The following PRKDC variants were observed in gnomAD, a reference collection of about 807,000 sequenced individuals.
PRKDC encodes DNA-dependent protein kinase catalytic subunit.
A neutral mutation model predicts 486.9 loss-of-function variants in PRKDC; 82 were observed. The observed-to-expected ratio is 0.17, with a 90% CI of 0.14 to 0.20. The LOEUF is 0.20. Among genes scored for constraint, PRKDC ranks in the 10% least tolerant of loss-of-function variants. PRKDC has a pLI of 1.00. For synonymous variants in PRKDC, 1,895 were observed against 1,837.0 expected (o/e 1.03, Z -0.81); for missense variants, 4,504 against 5,038.2 (o/e 0.89, Z 3.21).
chr8:47,820,671 A>T, intron 66 of PRKDC, 48 bp downstream of exon 66: 1 of 940,588 alleles, frequency 1.1e-6, no homozygotes, highest in East Asian at 3.0e-5. Context: ...TATAATATAT[A>T]TATACACTAT....
Position 47,939,665 on chromosome 8 carries a change from C to T in PRKDC, c.999G>A (p.Met333Ile), listed in dbSNP as rs8178017. The stretch of plus-strand genomic sequence containing the variant: ...TAAAGTACTGCAGTTTATTTTTATG[C>T]ATTTCTGCATTTTTCGCCACCATAT... ...VSNMVAKNAEMHKNKLQYFME... is the reference protein window; with the variant it reads ...VSNMVAKNAEIHKNKLQYFME... Residue 333 changes from methionine (M) to isoleucine (I), a missense_variant, in exon 11 of 86, where the codon ATG becomes ATA. By Grantham distance (10) the Met-to-Ile change is conservative. This residue lies in a region of PRKDC where 1,969 missense variants were observed against 2,068.9 expected (regional missense o/e 0.95). Coordinates refer to ENST00000314191, the MANE Select transcript of PRKDC (RefSeq NM_006904.7). The T allele has an allele frequency of 0.039, 62,636 of 1,604,258 alleles. 1,589 individuals are homozygous for T. Among genetic ancestry groups the T allele is most frequent in the Middle Eastern group, 0.055 (330 of 6,026 alleles).
At chr8:47,855,816 G>A (rs1201405264) in intron 49 of PRKDC, among the ~76,000 whole-genome samples, 9 of 152,288 alleles carry the variant, frequency 5.9e-5, no homozygotes, top group Non-Finnish European at 2.9e-5. Flanking sequence ...ATGGTGAGAC[G>A]GCCCTTGTCT....
chr8:47,940,182 A>G (rs547662466), intron 10 of PRKDC, among the ~76,000 whole-genome samples: 1 of 152,340 alleles, frequency 6.6e-6, no homozygotes, highest in African/African-American at 2.4e-5. Context: ...CAATAAATAG[A>G]GTTCAGAACA....
intron 40 of PRKDC, among the ~76,000 whole-genome samples, chr8:47,871,622 G>C (rs2088954972): frequency 6.6e-6 from 1 of 152,074 alleles, no homozygotes; most frequent in African/African-American, 2.4e-5. Flanking sequence ...TTTTAAGATG[G>C]AGTTTCGCTC....
chr8:47,881,675 ACTAT>A (rs1033509447), intron 37 of PRKDC, among the ~76,000 whole-genome samples, 155 bp from the exon 38 acceptor site: 5 of 152,262 alleles, frequency 3.3e-5, no homozygotes, highest in Admixed American at 2.6e-4. Context: ...ACATTGTAAT[ACTAT>A]CTGTTAGGAC....
At chr8:47,878,588 G>A (rs143093194) in intron 39 of PRKDC, among the ~76,000 whole-genome samples, 7 of 152,162 alleles carry the variant, frequency 4.6e-5, no homozygotes, top group African/African-American at 7.2e-5. Flanking sequence ...ATCCCAGGCC[G>A]CTCCCCCGAT....
chr8:47,954,020 A>C, intron 5 of PRKDC, 101 bp from the exon 6 acceptor site: 1 of 693,884 alleles, frequency 1.4e-6, no homozygotes, highest in Non-Finnish European at 2.3e-6. Context: ...AAAGTTCAAA[A>C]TTGATTTTAC....
At position 47,799,248 on chromosome 8, in the gene PRKDC, C is replaced by T; in HGVS notation, c.10259G>A (p.Cys3420Tyr). The T allele has an allele frequency of 6.2e-7, 1 of 1,613,942 alleles. No homozygotes were observed. The highest frequency in any genetic ancestry group is 8.5e-7 in the Non-Finnish European group (1 of 1,179,908). The change falls in exon 72 of 86, where the codon TGT (cysteine) becomes TAT (tyrosine). Residue 3420 changes from cysteine to tyrosine, a missense_variant. Around this residue, in one of 6 missense-constraint regions of PRKDC, gnomAD observed 706 missense variants for 945.0 expected, o/e 0.75. Coordinates refer to ENST00000314191, the MANE Select transcript of PRKDC (RefSeq NM_006904.7). Reference protein sequence around the residue: ...IDAYMTLADFCDQQLRKEEEN... With the variant: ...IDAYMTLADFYDQQLRKEEEN... ...TTCCTCCTTGCGCAGCTGTTGGTCACAGAAATCTGCCAGCGTCATGTAAGC... is the reference window on the plus strand; with the variant it reads ...TTCCTCCTTGCGCAGCTGTTGGTCATAGAAATCTGCCAGCGTCATGTAAGC...
At chr8:47,882,169 A>ATTTC in intron 36 of PRKDC, 72 bp from the exon 37 acceptor site, 1 of 1,368,460 alleles carries the variant, frequency 7.3e-7, no homozygotes, top group Non-Finnish European at 1.0e-6. Flanking sequence ...ATTTACCTTT[A>ATTTC]TTTCAAAGCT....
chr8:47,785,369 G>A (rs1015451530), intron 76 of PRKDC, 52 bp from the exon 77 acceptor site: 15 of 1,370,726 alleles, frequency 1.1e-5, no homozygotes, highest in Non-Finnish European at 1.4e-5. Flanking sequence ...TTGGACTTTG[G>A]AAAAGGCTCT....
At chr8:47,785,453 GT>G in intron 76 of PRKDC, 136 bp from the exon 77 acceptor site, 1 of 752,732 alleles carries the variant, frequency 1.3e-6, no homozygotes, top group Non-Finnish European at 2.1e-6. Context: ...TATAGTTTTG[GT>G]TGGGCATGGT....
At chr8:47,957,848 T>C (rs2090733698) in intron 1 of PRKDC, among the ~76,000 whole-genome samples, 1 of 152,156 alleles carries the variant, frequency 6.6e-6, no homozygotes, top group East Asian at 1.9e-4. Flanking sequence ...GCCTTATAAA[T>C]ATAAAACACT....
intron 40 of PRKDC, among the ~76,000 whole-genome samples, chr8:47,872,811 G>C (rs569330158): frequency 6.6e-6 from 1 of 152,290 alleles, no homozygotes; most frequent in South Asian, 2.1e-4. Context: ...AGCTAAAGGG[G>C]TGAGACAGAC....
intron 11 of PRKDC, among the ~76,000 whole-genome samples, 172 bp downstream of exon 11, chr8:47,939,379 T>C (rs1490872672): frequency 6.6e-6 from 1 of 152,216 alleles, no homozygotes; most frequent in African/African-American, 2.4e-5. Flanking sequence ...TTTTGATCCG[T>C]ATGGTAGAAA....
intron 40 of PRKDC, among the ~76,000 whole-genome samples, chr8:47,869,235 G>C (rs2088889737): frequency 6.6e-6 from 1 of 151,766 alleles, no homozygotes; most frequent in South Asian, 2.1e-4. Context: ...AACCCAAGTA[G>C]TACAGCTTGC....
In PRKDC at chr8:47,795,731, G is replaced by A. The variant is rs1011424491; in HGVS notation, c.10459-1230C>T. Among the ~76,000 whole-genome samples, 8 of 151,830 alleles carry A rather than the reference G, an allele frequency of 5.3e-5. No individual in the cohort carries two copies. In the East Asian group the frequency reaches 1.6e-3, roughly 30 times the overall value. On this transcript the variant is annotated intron_variant, in intron 73 of 85. Transcript: ENST00000314191. ...TGGTCTTGAACTCCTGACCTCAGGT[G>A]ATCCACCCGCTTCGGCCTCCCAAAG...
At chr8:47,911,828 G>A (rs1379333771) in intron 25 of PRKDC, among the ~76,000 whole-genome samples, 1 of 151,476 alleles carries the variant, frequency 6.6e-6, no homozygotes, top group Non-Finnish European at 1.5e-5. Context: ...AGAGTGCAGT[G>A]GCGTGATCTC....
At chr8:47,883,804 C>G (rs867710067) in intron 36 of PRKDC, among the ~76,000 whole-genome samples, 1 of 152,222 alleles carries the variant, frequency 6.6e-6, no homozygotes, top group South Asian at 2.1e-4. Flanking sequence ...ACTGAACAGG[C>G]CTTGCCACAG....
chr8:47,785,097 C>A lies in PRKDC; in HGVS notation c.11107+16G>T. ...TCCTGACAGTACAGTTTTGTCACCC[C>A]TGGAGGTTAACTCACCGGGAATCTC... On this transcript the variant is annotated intron_variant, in intron 77 of 85. Coordinates refer to ENST00000314191, the MANE Select transcript of PRKDC (RefSeq NM_006904.7). The A allele has an allele frequency of 1.2e-6, 2 of 1,613,414 alleles. No homozygotes were observed. The highest frequency in any genetic ancestry group is 2.2e-5 in the South Asian group (2 of 91,048).
Sources: gnomAD v4.1 joint callset for allele counts (sites outside exome capture counted in the v4.1 genomes callset) on GRCh38, gnomAD v4.1.1 for gene constraint, gnomAD v4.1.1 regional missense constraint, MANE v1.5 for transcripts, NCBI Gene and HGNC (gene_info 2026-07-23, HGNC 2026-07-21) for gene names.